The following SNTG1 variants were observed in gnomAD, a reference collection of about 807,000 sequenced individuals.
The protein encoded by SNTG1 is gamma-1-syntrophin.
A neutral mutation model predicts 74.7 loss-of-function variants in SNTG1; 39 were observed. The observed-to-expected ratio is 0.52, with a 90% CI of 0.40 to 0.68. The LOEUF (loss-of-function observed/expected upper bound fraction) is 0.68, where lower values mean the gene tolerates loss of function less well. SNTG1 is among the 30% of genes least tolerant of loss of function. The pLI, the probability that SNTG1 is intolerant of heterozygous loss-of-function variation, is 0.00. For missense variants in SNTG1, 685 were observed against 609.5 expected (o/e 1.12, Z -1.30); for synonymous variants, 254 against 217.1 (o/e 1.17, Z -1.49).
chr8:50,117,352 G>A (rs986934388), intron 1 of SNTG1, among the ~76,000 whole-genome samples: 5 of 151,988 alleles, frequency 3.3e-5, no homozygotes, highest in Non-Finnish European at 7.4e-5. Context: ...TGTTTATCCG[G>A]TATGATCAAA....
intron 13 of SNTG1, among the ~76,000 whole-genome samples, chr8:50,629,568 T>G (rs969698937): frequency 6.6e-6 from 1 of 152,074 alleles, no homozygotes; most frequent in Non-Finnish European, 1.5e-5. Context: ...TCTTGTATGC[T>G]TCTCATGTCT....
At chr8:50,792,605 A>G (rs2095694265) in intron 18 of SNTG1, 66 bp from the exon 19 acceptor site, 29 of 1,450,500 alleles carry the variant, frequency 2.0e-5, no homozygotes, top group Non-Finnish European at 2.6e-5. Context: ...AAAAAAATCT[A>G]GCTATTATAA....
chr8:50,664,896 T>C (rs1006133238), intron 15 of SNTG1, among the ~76,000 whole-genome samples: 5 of 152,180 alleles, frequency 3.3e-5, no homozygotes, highest in African/African-American at 1.2e-4. Context: ...TATAAAAATG[T>C]ACTCCCTATC....
At chr8:50,448,908 G>A (rs2093430304) in intron 5 of SNTG1, among the ~76,000 whole-genome samples, 1 of 151,846 alleles carries the variant, frequency 6.6e-6, no homozygotes. Context: ...CGCACCTGTA[G>A]TCCCAGCTAC....
At chr8:49,955,195 A>G (rs1810045714) in intron 1 of SNTG1, among the ~76,000 whole-genome samples, 1 of 152,254 alleles carries the variant, frequency 6.6e-6, no homozygotes, top group Non-Finnish European at 1.5e-5. Flanking sequence ...ATTTCAATAT[A>G]CATTCAGTTA....
chr8:50,178,423 A>C (rs1217870560), intron 2 of SNTG1, among the ~76,000 whole-genome samples: 2 of 150,410 alleles, frequency 1.3e-5, no homozygotes, highest in Admixed American at 6.6e-5. Context: ...ACACACACAC[A>C]CACAGGGATA....
intron 8 of SNTG1, among the ~76,000 whole-genome samples, chr8:50,500,672 A>C (rs1164154132): frequency 1.3e-5 from 2 of 152,020 alleles, no homozygotes; most frequent in South Asian, 2.1e-4. Flanking sequence ...TCTTTTTTTA[A>C]GCAGAAATTT....
At chr8:50,249,747 G>A (rs1475001047) in intron 2 of SNTG1, among the ~76,000 whole-genome samples, 1 of 152,120 alleles carries the variant, frequency 6.6e-6, no homozygotes, top group Non-Finnish European at 1.5e-5. Flanking sequence ...CAGAGAACAT[G>A]CTACTGAGTT....
intron 1 of SNTG1, among the ~76,000 whole-genome samples, chr8:49,972,792 C>A (rs11778027): frequency 1.3e-5 from 2 of 151,982 alleles, no homozygotes; most frequent in African/African-American, 4.8e-5. Flanking sequence ...ATCAGAGAAA[C>A]GCAAATCAGA....
Position 50,594,475 on chromosome 8 carries a change from TTAATAAGG to T in SNTG1, c.849+3560_849+3567del, listed in dbSNP as rs533494869. ...ATCAAATTATTTATATTAGTTTAAATTAATAAGGTTATACTTATTTAAAATAACATATT... is the reference window on the plus strand; with the variant it reads ...ATCAAATTATTTATATTAGTTTAAATTTATACTTATTTAAAATAACATATT... On this transcript the variant is annotated intron_variant, in intron 13 of 18. Coordinates refer to ENST00000642720, the MANE Select transcript of SNTG1 (RefSeq NM_018967.5). Among the ~76,000 whole-genome samples the T allele has an allele frequency of 4.2e-3, 646 of 152,174 alleles. 8 individuals are homozygous for T. The highest frequency in any genetic ancestry group is 0.014 in the African/African-American group (584 of 41,554).
At position 50,355,639 on chromosome 8, in the gene SNTG1, C is replaced by A. The variant is rs1356353993; in HGVS notation, c.-27-38573C>A. Reference sequence around the variant, plus strand: ...CTCCAGAACTTTGAAGATGTTGTCTCAGTATCTTCTGTCATCAGTTGCTGC... The same window carrying A: ...CTCCAGAACTTTGAAGATGTTGTCTAAGTATCTTCTGTCATCAGTTGCTGC... On this transcript the variant is annotated intron_variant, in intron 2 of 18. Transcript: ENST00000642720. Among the ~76,000 whole-genome samples the A allele has an allele frequency of 3.3e-5, 5 of 152,152 alleles. No individual in the cohort carries two copies. In the East Asian group the frequency reaches 7.7e-4, roughly 23 times the overall value.
At chr8:50,730,540 A>G (rs1474734537) in intron 17 of SNTG1, among the ~76,000 whole-genome samples, 2 of 152,214 alleles carry the variant, frequency 1.3e-5, no homozygotes, top group East Asian at 3.8e-4. Flanking sequence ...AGCAAATGGA[A>G]CAAGAGGATG....
intron 13 of SNTG1, among the ~76,000 whole-genome samples, chr8:50,619,579 A>C (rs1226673031): frequency 6.6e-6 from 1 of 151,956 alleles, no homozygotes; most frequent in Non-Finnish European, 1.5e-5. Flanking sequence ...AAAGTATAAA[A>C]AATTAGCTGG....
intron 13 of SNTG1, among the ~76,000 whole-genome samples, chr8:50,643,371 A>G (rs1002303834): frequency 6.6e-6 from 1 of 152,210 alleles, no homozygotes; most frequent in Non-Finnish European, 1.5e-5. Context: ...GTGACAAATC[A>G]GGGTAATTGC....
intron 2 of SNTG1, among the ~76,000 whole-genome samples, chr8:50,315,350 T>A (rs2090276272): frequency 6.7e-6 from 1 of 150,044 alleles, no homozygotes; most frequent in Non-Finnish European, 1.5e-5. Flanking sequence ...TACTTTTAAA[T>A]TTACTTCATA....
chr8:50,499,002 G>A (rs1461895593), intron 8 of SNTG1, among the ~76,000 whole-genome samples: 2 of 151,704 alleles, frequency 1.3e-5, no homozygotes, highest in East Asian at 3.9e-4. Context: ...ATAACACAAT[G>A]TCTTGATGAT....
intron 4 of SNTG1, among the ~76,000 whole-genome samples, chr8:50,436,990 T>C (rs2093310390): frequency 6.6e-6 from 1 of 152,116 alleles, no homozygotes; most frequent in African/African-American, 2.4e-5. Context: ...ACAGACTTTG[T>C]GGTAGTATTT....
chr8:50,699,240 G>T (rs1341144228), intron 15 of SNTG1, among the ~76,000 whole-genome samples: 1 of 152,100 alleles, frequency 6.6e-6, no homozygotes, highest in South Asian at 2.1e-4. Context: ...GGTAGGCAAT[G>T]AGATAAGTGG....
At chr8:50,146,255 T>C (rs2081860136) in intron 1 of SNTG1, among the ~76,000 whole-genome samples, 2 of 152,072 alleles carry the variant, frequency 1.3e-5, no homozygotes, top group African/African-American at 4.8e-5. Context: ...TGGTGGCTCA[T>C]GCCTGTAATC....
Sources: gnomAD v4.1 joint callset for allele counts (sites outside exome capture counted in the v4.1 genomes callset) on GRCh38, gnomAD v4.1.1 for gene constraint, MANE v1.5 for transcripts, NCBI Gene and HGNC (gene_info 2026-07-23, HGNC 2026-07-21) for gene names.